FAM193B: variants seen among roughly 807,000 people sequenced by gnomAD.
FAM193B encodes the protein family with sequence similarity 193 member B.
FAM193B carries 27 observed loss-of-function variants against 70.7 expected under a neutral mutation model. The ratio of observed to expected loss-of-function variants is 0.38; its 90% CI spans 0.28 to 0.53. The LOEUF is 0.53. Ranked by LOEUF, FAM193B falls within the 20% of genes least tolerant of loss-of-function variation. The pLI, the probability that FAM193B is intolerant of heterozygous loss-of-function variation, is 0.81. For missense variants in FAM193B, 1,022 were observed against 1,072.5 expected, an observed-to-expected ratio of 0.95 and a Z score of 0.66; for synonymous variants, 448 against 436.0, an observed-to-expected ratio of 1.03 and a Z score of -0.34.
intron 5 of FAM193B, among the ~76,000 whole-genome samples, chr5:177,527,472 G>C (rs1037236100): frequency 3.9e-5 from 6 of 152,206 alleles, no homozygotes; most frequent in Non-Finnish European, 7.4e-5. Flanking sequence ...TTGGTGCTGG[G>C]TAGGGAGACA....
At chr5:177,550,748 C>A (rs1249424146) in intron 1 of FAM193B, among the ~76,000 whole-genome samples, 3 of 152,206 alleles carry the variant, frequency 2.0e-5, no homozygotes, top group Non-Finnish European at 4.4e-5. Flanking sequence ...TGTATGGCCA[C>A]CTGGCACAGC....
intron 4 of FAM193B, among the ~76,000 whole-genome samples, chr5:177,533,384 A>C (rs1763773633): frequency 6.6e-6 from 1 of 150,572 alleles, no homozygotes. Flanking sequence ...GGCTCACTGC[A>C]AACTCCGCCT....
intron 4 of FAM193B, among the ~76,000 whole-genome samples, chr5:177,535,921 ATTTT>A (rs34923745): frequency 2.1e-5 from 3 of 143,844 alleles, no homozygotes; most frequent in Non-Finnish European, 3.0e-5. Flanking sequence ...CCCACATACT[ATTTT>A]TTTTTTTTTT....
intron 1 of FAM193B, among the ~76,000 whole-genome samples, chr5:177,545,032 AAAG>A (rs1174927860): frequency 1.3e-5 from 2 of 152,106 alleles, no homozygotes; most frequent in South Asian, 2.1e-4. Context: ...GCAAAAATGA[AAAG>A]AAGACCATTC....
At chr5:177,534,898 A>C (rs1763999959) in intron 4 of FAM193B, among the ~76,000 whole-genome samples, 1 of 152,222 alleles carries the variant, frequency 6.6e-6, no homozygotes, top group Non-Finnish European at 1.5e-5. Context: ...GATTATAGGC[A>C]TGAGCTGGGC....
rs762009706 is a variant in FAM193B at position 177,536,413 on chromosome 5, A to C, written c.1021T>G (p.Cys341Gly). The change falls in exon 4 of 9, where the codon TGC (cysteine) becomes GGC (glycine). Residue 341 changes from cysteine (C) to glycine (G), a missense_variant. Physicochemically the swap from Cys to Gly is radical, Grantham distance 159. Transcript: ENST00000514747. ...GGGGGTGGGAGGAGAGGCCCACTGC[A>C]GTGCCCACCACAGTGCCCGCTGCAG... ...HPCSGHCGGHCSGPLLPPPSS... is the reference protein window; with the variant it reads ...HPCSGHCGGHGSGPLLPPPSS... The C allele has an allele frequency of 6.8e-6, 11 of 1,608,116 alleles. No homozygotes were observed. The Admixed American group carries it at 1.7e-4, about 25-fold the overall frequency.
In FAM193B at chr5:177,545,898, C is replaced by T. The variant is rs569872683; in HGVS notation, c.211-6751G>A. On this transcript the variant is annotated intron_variant, in intron 1 of 8. Transcript: ENST00000514747. Reference sequence around the variant, plus strand: ...GCCCCAAGACACATGCTGTATCTAACCAGCTGCCCTGCAACAGGTCCCAAA... The same window carrying T: ...GCCCCAAGACACATGCTGTATCTAATCAGCTGCCCTGCAACAGGTCCCAAA... 5.2e-4 allele frequency among the ~76,000 whole-genome samples: 79 copies of T among 152,254 alleles called. 1 individual carries two copies. The highest frequency in any genetic ancestry group is 4.8e-3 in the South Asian group (23 of 4,820).
intron 1 of FAM193B, chr5:177,552,002 G>A (rs1035101332): frequency 2.0e-6 from 2 of 983,872 alleles, no homozygotes; most frequent in Admixed American, 1.2e-4. Flanking sequence ...TGGGGCTATA[G>A]TTTAAAAAAA....
At chr5:177,522,246 T>G (rs920500872) in intron 7 of FAM193B, 175 bp from the exon 8 acceptor site, 3 of 571,676 alleles carry the variant, frequency 5.2e-6, no homozygotes, top group Non-Finnish European at 9.4e-6. Context: ...TGGGGGCTTC[T>G]GGATTGGGCC....
chr5:177,529,535 G>C (rs1763139504), intron 5 of FAM193B, among the ~76,000 whole-genome samples: 7 of 152,138 alleles, frequency 4.6e-5, no homozygotes. Flanking sequence ...TGCCAGACAG[G>C]AGCTGTGCAG....
At position 177,524,208 on chromosome 5, in the gene FAM193B, T is replaced by C. The variant is rs1340727914; in HGVS notation, c.2273A>G (p.Gln758Arg). Residue 758 changes from glutamine (Q) to arginine (R), a missense_variant, in exon 6 of 9, where the codon CAG (glutamine) becomes CGG (arginine). Transcript: ENST00000514747. The stretch of plus-strand genomic sequence containing the variant: ...ACCCAAGGAGGAGGCTGGCTTCTCC[T>C]GCTTGTTGCGGCTCCGGCGGCTGCG... ...KGRSRRSRNK[Q>R]EKPASSLDDV... 1 of 1,554,828 alleles carries C rather than the reference T, an allele frequency of 6.4e-7. No individual in the cohort carries two copies. Among genetic ancestry groups the C allele is most frequent in the South Asian group, 1.2e-5 (1 of 82,328 alleles).
intron 1 of FAM193B, among the ~76,000 whole-genome samples, chr5:177,549,187 CTTTT>C (rs141797022): frequency 3.1e-4 from 29 of 92,994 alleles, no homozygotes; most frequent in African/African-American, 7.2e-4. Context: ...ATTGTCTTTT[CTTTT>C]TTTTTTTTTT....
intron 1 of FAM193B, among the ~76,000 whole-genome samples, chr5:177,539,665 G>A (rs576175262): frequency 5.5e-4 from 84 of 152,238 alleles, no homozygotes; most frequent in Non-Finnish European, 1.0e-3. Context: ...TGGAGGAGGC[G>A]TTTGTACAGC....
chr5:177,528,190 C>T lies in FAM193B; in HGVS notation c.1276-2985G>A, dbSNP rs763171729. 1.1e-4 allele frequency among the ~76,000 whole-genome samples: 16 copies of T among 152,188 alleles called. 1 individual carries two copies. Among genetic ancestry groups the T allele is most frequent in the Non-Finnish European group, 2.2e-4 (15 of 68,036 alleles). On this transcript the variant is annotated intron_variant, in intron 5 of 8. Transcript: ENST00000514747. ...AAAGACAATGTGTGAAAAGGACAAA[C>T]ACAAATGCCAGATATTCTCTAGTGG...
chr5:177,551,269 ATTTTT>A (rs33979381), intron 1 of FAM193B, among the ~76,000 whole-genome samples: 2 of 151,168 alleles, frequency 1.3e-5, no homozygotes, highest in Non-Finnish European at 3.0e-5. Flanking sequence ...GTTGTTCTTT[ATTTTT>A]TTTTTTGTTT....
intron 1 of FAM193B, among the ~76,000 whole-genome samples, chr5:177,543,356 C>T (rs1398941745): frequency 1.3e-5 from 2 of 152,218 alleles, no homozygotes; most frequent in Non-Finnish European, 2.9e-5. Flanking sequence ...AGATACAAAG[C>T]ACTTAGCTCA....
intron 1 of FAM193B, among the ~76,000 whole-genome samples, chr5:177,548,314 T>C (rs749156628): frequency 2.0e-5 from 3 of 152,230 alleles, no homozygotes; most frequent in Non-Finnish European, 1.5e-5. Flanking sequence ...CAAGTCACTG[T>C]ATTGCAGTCA....
At chr5:177,541,071 A>G in intron 1 of FAM193B, among the ~76,000 whole-genome samples, 1 of 152,246 alleles carries the variant, frequency 6.6e-6, no homozygotes. Flanking sequence ...GAAAAAGAGT[A>G]CCAGAGAGAC....
chr5:177,532,547 C>T lies in FAM193B; in HGVS notation c.1171G>A (p.Glu391Lys), dbSNP rs749129700. The T allele has an allele frequency of 6.2e-7, 1 of 1,605,776 alleles. No individual in the cohort carries two copies. Among genetic ancestry groups the T allele is most frequent in the Non-Finnish European group, 8.5e-7 (1 of 1,176,898 alleles). Reference protein sequence around the residue: ...CEADEGLGEEEDSSSERSSCT... With the variant: ...CEADEGLGEEKDSSSERSSCT... ...GAGCTTCGCTCAGAGCTGCTATCCT[C>T]TTCCTCACCCAGCCCCTCATCTGCC... Residue 391 changes from glutamate to lysine, a missense_variant, in exon 5 of 9, where the codon GAG becomes AAG. Physicochemically the swap from Glu to Lys is moderately conservative, Grantham distance 56. Transcript: ENST00000514747. The surrounding 1 kb of genome is among the most constrained non-coding windows in gnomAD (Gnocchi z 4.9).
Sources: gnomAD v4.1 joint callset for allele counts (sites outside exome capture counted in the v4.1 genomes callset) on GRCh38, gnomAD v4.1.1 for gene constraint, Gnocchi (gnomAD v3.1) non-coding constraint, MANE v1.5 for transcripts, NCBI Gene and HGNC (gene_info 2026-07-23, HGNC 2026-07-21) for gene names.